The following TGS1 variants were observed in gnomAD, a reference collection of about 807,000 sequenced individuals.
The protein encoded by TGS1 is trimethylguanosine synthase 1.
TGS1 carries 69 observed loss-of-function variants against 92.2 expected under a neutral mutation model. The observed-to-expected ratio is 0.75, with a 90% confidence interval of 0.62 to 0.91. The LOEUF is 0.91. TGS1 is among the 40% of genes least tolerant of loss of function. TGS1 has a pLI of 0.00. For synonymous variants in TGS1, 345 were observed against 338.1 expected (o/e 1.02, Z -0.22); for missense variants, 1,062 against 1,001.2 (o/e 1.06, Z -0.82).
chr8:55,823,708 G>A (rs1188429268), intron 12 of TGS1, among the ~76,000 whole-genome samples: 2 of 151,978 alleles, frequency 1.3e-5, no homozygotes, highest in Non-Finnish European at 2.9e-5. Flanking sequence ...AGATGCAGAT[G>A]GTAAGATGAA....
At chr8:55,789,804 C>T (rs921931435) in intron 4 of TGS1, among the ~76,000 whole-genome samples, 5 of 152,114 alleles carry the variant, frequency 3.3e-5, no homozygotes, top group South Asian at 4.1e-4. Context: ...CCAGCTTTTG[C>T]CTTACTTGAA....
chr8:55,807,310 A>G (rs1279926844), intron 10 of TGS1, among the ~76,000 whole-genome samples: 1 of 152,080 alleles, frequency 6.6e-6, no homozygotes, highest in Admixed American at 6.5e-5. Context: ...CAGAGACTAA[A>G]TATTATTTAA....
At chr8:55,800,542 T>A (rs1233123119) in intron 8 of TGS1, among the ~76,000 whole-genome samples, 1 of 152,210 alleles carries the variant, frequency 6.6e-6, no homozygotes, top group Non-Finnish European at 1.5e-5. Flanking sequence ...TTACCTGGGG[T>A]AGTACCACCT....
At chr8:55,778,634 A>T in intron 1 of TGS1, among the ~76,000 whole-genome samples, 1 of 152,234 alleles carries the variant, frequency 6.6e-6, no homozygotes, top group East Asian at 1.9e-4. Context: ...AATTTAAAAG[A>T]GTAGTGACCT....
intron 12 of TGS1, among the ~76,000 whole-genome samples, chr8:55,820,189 G>A (rs1803595110): frequency 1.3e-5 from 2 of 152,242 alleles, no homozygotes; most frequent in Admixed American, 6.5e-5. Flanking sequence ...GATGCAGTTG[G>A]GAGGTTATTT....
intron 12 of TGS1, among the ~76,000 whole-genome samples, chr8:55,823,862 C>G (rs1803719867): frequency 6.6e-6 from 1 of 152,088 alleles, no homozygotes; most frequent in South Asian, 2.1e-4. Context: ...GGCTTGTAAT[C>G]CCAGCACTTT....
rs760889789 is a variant in TGS1, at chr8:55,804,915, C to T, written c.2022C>T (p.Pro674=). 11 of 1,613,778 alleles carry T rather than the reference C, an allele frequency of 6.8e-6. No homozygotes were observed. The East Asian group carries it at 1.3e-4, about 20-fold the overall frequency. ...LDREGWFSVT[P]EKIAEHIAGR... The stretch of plus-strand genomic sequence containing the variant: ...CAGAGGGCTGGTTTTCAGTTACACC[C>T]GAGAAGATTGCTGAACACATTGCTG... Residue 674 remains proline (P), a synonymous_variant, in exon 10 of 13, where the codon CCC becomes CCT. Coordinates refer to ENST00000260129, the MANE Select transcript of TGS1 (RefSeq NM_024831.8).
At chr8:55,783,943 T>G (rs1039258943) in intron 2 of TGS1, among the ~76,000 whole-genome samples, 1 of 152,228 alleles carries the variant, frequency 6.6e-6, no homozygotes, top group Non-Finnish European at 1.5e-5. Flanking sequence ...TTCTCCATTT[T>G]GCTGTCTCCT....
At chr8:55,786,035 G>T in intron 3 of TGS1, 144 bp downstream of exon 3, 1 of 776,022 alleles carries the variant, frequency 1.3e-6, no homozygotes, top group Non-Finnish European at 2.0e-6. Context: ...AAATTAACCA[G>T]AACTGAAAGT....
intron 12 of TGS1, among the ~76,000 whole-genome samples, chr8:55,821,855 G>A (rs1428034719): frequency 6.6e-6 from 1 of 151,668 alleles, no homozygotes; most frequent in African/African-American, 2.4e-5. Context: ...AGCCTAGGCA[G>A]CAGAGCGAGA....
At chr8:55,783,105 A>T (rs1193481841) in intron 2 of TGS1, among the ~76,000 whole-genome samples, 2 of 152,074 alleles carry the variant, frequency 1.3e-5, no homozygotes, top group African/African-American at 4.8e-5. Flanking sequence ...CTGGAATTTA[A>T]AGCTTTGAAA....
chr8:55,820,568 G>A (rs920080965), intron 12 of TGS1, among the ~76,000 whole-genome samples: 2 of 152,028 alleles, frequency 1.3e-5, no homozygotes, highest in Non-Finnish European at 2.9e-5. Flanking sequence ...AAAAAGTGCA[G>A]TTTTGAATGT....
intron 5 of TGS1, among the ~76,000 whole-genome samples, chr8:55,791,741 T>C (rs1563456318): frequency 6.6e-6 from 1 of 152,228 alleles, no homozygotes; most frequent in Non-Finnish European, 1.5e-5. Context: ...CAGTTCTGTT[T>C]TTGTGTTTTA....
intron 4 of TGS1, among the ~76,000 whole-genome samples, chr8:55,788,488 C>G (rs1370259333): frequency 7.9e-6 from 1 of 126,076 alleles, no homozygotes; most frequent in African/African-American, 3.1e-5. Flanking sequence ...TGGAGTCTCA[C>G]TCTGTCACCC....
intron 12 of TGS1, among the ~76,000 whole-genome samples, chr8:55,816,519 G>T (rs1803482265): frequency 6.6e-6 from 1 of 152,150 alleles, no homozygotes; most frequent in Non-Finnish European, 1.5e-5. Context: ...TCTCAGAAAA[G>T]CAATAGCGTT....
rs1487718303 is a variant in TGS1 at position 55,792,837 on chromosome 8, T to C, written c.1367+53T>C. 9.4e-6 allele frequency: 11 copies of C among 1,169,638 alleles called. No individual in the cohort carries two copies. In the East Asian group the frequency reaches 2.3e-4, roughly 25 times the overall value. 72.5% of individuals were successfully genotyped at this position (1,169,638 alleles called of 1,614,324 possible). On this transcript the variant is annotated intron_variant, in intron 6 of 12. Coordinates refer to ENST00000260129, the MANE Select transcript of TGS1 (RefSeq NM_024831.8). The stretch of plus-strand genomic sequence containing the variant: ...CCAGAAGTCCTAACCACTTCAACTA[T>C]CTTAGAGCACTCTGATACTCAGATA...
At chr8:55,785,936 T>G in intron 3 of TGS1, 45 bp downstream of exon 3, 1 of 1,481,718 alleles carries the variant, frequency 6.7e-7, no homozygotes, top group Non-Finnish European at 9.2e-7. Context: ...TTCGTTTTCT[T>G]TATAAAATAT....
chr8:55,774,320 C>T (rs116537684), intron 1 of TGS1, among the ~76,000 whole-genome samples: 2,027 of 152,174 alleles, frequency 0.013, 41 homozygotes, highest in African/African-American at 0.047. Context: ...ATATTAAATG[C>T]GTGAGTTAAA....
In TGS1 at chr8:55,814,842, AAAAG is replaced by A. The variant is rs1226749077; in HGVS notation, c.2439+1736_2439+1739del. ...GACAGAGTGAGACTGTCTAAAAAAA[AAAAG>A]AAAGAAAGAAAAACGAACCATCTCT... On this transcript the variant is annotated intron_variant, in intron 12 of 12. Transcript: ENST00000260129. Among the ~76,000 whole-genome samples, 61 of 151,008 alleles carry A rather than the reference AAAAG, an allele frequency of 4.0e-4. 1 individual carries two copies. The highest frequency in any genetic ancestry group is 1.9e-3 in the Admixed American group (29 of 15,156).
Sources: gnomAD v4.1 joint callset for allele counts (sites outside exome capture counted in the v4.1 genomes callset) on GRCh38, gnomAD v4.1.1 for gene constraint, MANE v1.5 for transcripts, NCBI Gene and HGNC (gene_info 2026-07-23, HGNC 2026-07-21) for gene names.